The following ERBB3 variants were observed in gnomAD, a reference collection of about 807,000 sequenced individuals.
The protein encoded by ERBB3 is erb-b2 receptor tyrosine kinase 3, also known as receptor tyrosine-protein kinase erbB-3.
ERBB3 carries 96 observed loss-of-function variants against 156.7 expected under a neutral mutation model. That is an observed-to-expected ratio of 0.61 (90% confidence interval 0.52 to 0.73). The LOEUF (loss-of-function observed/expected upper bound fraction) is 0.73. Ranked by LOEUF, ERBB3 falls within the 30% of genes least tolerant of loss-of-function variation. The pLI is 0.00. For synonymous variants in ERBB3, 567 were observed against 632.0 expected (o/e 0.90, Z 1.54); for missense variants, 1,406 against 1,709.4 (o/e 0.82, Z 3.13).
chr12:56,093,130 T>C, intron 11 of ERBB3, 54 bp downstream of exon 11: 1 of 1,375,518 alleles, frequency 7.3e-7, no homozygotes, highest in Non-Finnish European at 1.0e-6. Flanking sequence ...GCCTGTGTCA[T>C]AGGCATTCTT....
chr12:56,090,844 T>C (rs1374550062), intron 9 of ERBB3, among the ~76,000 whole-genome samples: 1 of 152,140 alleles, frequency 6.6e-6, no homozygotes, highest in African/African-American at 2.4e-5. Context: ...AACCACAGCA[T>C]AGTTGTTTGA....
intron 9 of ERBB3, among the ~76,000 whole-genome samples, chr12:56,091,658 G>C (rs1868717063): frequency 6.6e-6 from 1 of 151,888 alleles, no homozygotes; most frequent in East Asian, 1.9e-4. Flanking sequence ...GAACACCACA[G>C]AGGCTGTGAG....
Position 56,085,069 on chromosome 12 carries a change from C to T in ERBB3, c.309C>T (p.Arg103=), listed in dbSNP as rs747026534. ...CTACTCTACCATTGCCCAACCTCCG[C>T]GTGGTGCGAGGGACCCAGGTCTACG... ...EFSTLPLPNL[R]VVRGTQVYDG... Residue 103 remains arginine (R), a synonymous_variant, in exon 3 of 28, where the codon CGC becomes CGT. Transcript: ENST00000267101. 8.1e-6 allele frequency: 13 copies of T among 1,614,138 alleles called. No homozygotes were observed. The highest frequency in any genetic ancestry group is 1.6e-4 in the Middle Eastern group (1 of 6,062).
chr12:56,093,986 G>A, intron 13 of ERBB3, 90 bp downstream of exon 13: 3 of 1,584,800 alleles, frequency 1.9e-6, no homozygotes, highest in East Asian at 2.2e-5. Flanking sequence ...TCTTTAGACA[G>A]CTTTCTGCAT....
rs897857580 is a variant in ERBB3, at chr12:56,102,788, G to GT, written c.*734dup. 1 of 99,588 alleles carries GT rather than the reference G, an allele frequency of 1.0e-5. No homozygotes were observed. The highest frequency in any genetic ancestry group is 3.8e-5 in the African/African-American group (1 of 26,324). The allele number at this position is 99,588 out of a possible 1,614,324, so 6.2% of individuals were successfully genotyped here. A position where few individuals can be genotyped will look rare whatever the true frequency, so the allele number is the denominator to read the frequency against. On this transcript the variant is annotated 3_prime_UTR_variant, in exon 28 of 28. Coordinates refer to ENST00000267101, the MANE Select transcript of ERBB3 (RefSeq NM_001982.4). Reference sequence around the variant, plus strand: ...GTTTGAGACCAGCTTAGCCAACATAGTAAGACCCCCATCTCTTTAAAAAAA... The same window carrying GT: ...GTTTGAGACCAGCTTAGCCAACATAGTTAAGACCCCCATCTCTTTAAAAAAA...
At position 56,100,176 on chromosome 12, in the gene ERBB3, C is replaced by T; in HGVS notation, c.3132C>T (p.Ser1044=). ...PVGTLNRPRG[S]QSLLSPSSGY... Reference sequence around the variant, plus strand: ...TTTTCCTTATTTTTTCATCCTAGAGCCAGAGCCTTTTAAGTCCATCATCTG... The same window carrying T: ...TTTTCCTTATTTTTTCATCCTAGAGTCAGAGCCTTTTAAGTCCATCATCTG... The change falls in exon 26 of 28, where the codon AGC becomes AGT. Residue 1044 remains serine, a splice_region_variant and synonymous_variant. Transcript: ENST00000267101. 6.2e-7 allele frequency: 1 copy of T among 1,613,684 alleles called. No individual in the cohort carries two copies. The highest frequency in any genetic ancestry group is 8.5e-7 in the Non-Finnish European group (1 of 1,179,554).
At chr12:56,088,187 A>G (rs2136795841) in intron 7 of ERBB3, 25 bp downstream of exon 7, 5 of 1,612,916 alleles carry the variant, frequency 3.1e-6, no homozygotes, top group African/African-American at 1.3e-5. Context: ...GGAAGGAACA[A>G]TGATCAACAA....
chr12:56,099,224 G>A (rs1440412765), intron 23 of ERBB3, among the ~76,000 whole-genome samples: 1 of 151,498 alleles, frequency 6.6e-6, no homozygotes, highest in Non-Finnish European at 1.5e-5. Context: ...CCAAAGTGCT[G>A]GGATTACAGG....
Position 56,085,026 on chromosome 12 carries a change from T to G in ERBB3, c.266T>G (p.Val89Gly). ...WIREVTGYVL[V>G]AMNEFSTLPL... ...CGAGAAGTGACAGGCTATGTCCTCG[T>G]GGCCATGAATGAATTCTCTACTCTA... Residue 89 changes from valine to glycine, a missense_variant, in exon 3 of 28, where the codon GTG becomes GGG. Around this residue, in one of 3 missense-constraint regions of ERBB3, gnomAD observed 979 missense variants for 1,219.6 expected, o/e 0.80. Transcript: ENST00000267101. 1 of 1,614,162 alleles carries G rather than the reference T, an allele frequency of 6.2e-7. No individual in the cohort carries two copies. Among genetic ancestry groups the G allele is most frequent in the Non-Finnish European group, 8.5e-7 (1 of 1,180,018 alleles).
intron 14 of ERBB3, 94 bp from the exon 15 acceptor site, chr12:56,094,308 A>T (rs567373027): frequency 5.3e-6 from 8 of 1,513,228 alleles, no homozygotes; most frequent in Non-Finnish European, 7.3e-6. Context: ...GGGCCTGCAG[A>T]TAGAAGATCC....
rs1043247654 is a variant in ERBB3 at position 56,103,286 on chromosome 12, A to C, written c.*1231A>C. On this transcript the variant is annotated 3_prime_UTR_variant, in exon 28 of 28. Transcript: ENST00000267101. ...GTGCCGTAAATGATCTTCACTCCTT[A>C]TCCGAGGGCAAATTCACAAGGATCC... 4.5e-6 allele frequency: 1 copy of C among 222,850 alleles called. No individual in the cohort carries two copies. The highest frequency in any genetic ancestry group is 9.0e-6 in the Non-Finnish European group (1 of 111,432). The allele number at this position is 222,850 out of a possible 1,614,324, so 13.8% of individuals were successfully genotyped here. A position where few individuals can be genotyped will look rare whatever the true frequency, so the allele number is the denominator to read the frequency against.
In ERBB3 at chr12:56,084,844, G is replaced by A. The variant is rs544290150; in HGVS notation, c.235-151G>A. On this transcript the variant is annotated intron_variant, in intron 2 of 27. Coordinates refer to ENST00000267101, the MANE Select transcript of ERBB3 (RefSeq NM_001982.4). ...GCCTGGGCAACAAGAGCGTAACTCC[G>A]TCTCAAATTTTAAAAAAAAGAAAAA... 1.5e-4 allele frequency: 190 copies of A among 1,305,796 alleles called. 1 individual carries two copies. Among genetic ancestry groups the A allele is most frequent in the Middle Eastern group, 7.2e-4 (3 of 4,170 alleles). The allele number at this position is 1,305,796 out of a possible 1,614,324, so 80.9% of individuals were successfully genotyped here.
chr12:56,098,232 GTC>G, intron 21 of ERBB3: 1 of 518,676 alleles, frequency 1.9e-6, no homozygotes, highest in Non-Finnish European at 3.3e-6. Context: ...GTGAAACCCC[GTC>G]TCTACTAAAT....
At chr12:56,090,749 C>T (rs969556369) in intron 9 of ERBB3, among the ~76,000 whole-genome samples, 3 of 152,080 alleles carry the variant, frequency 2.0e-5, no homozygotes, top group African/African-American at 2.4e-5. Flanking sequence ...TTCTGGACCA[C>T]GTGAGGGTAA....
At chr12:56,100,918 G>A (rs1192695938) in intron 26 of ERBB3, 143 bp from the exon 27 acceptor site, 6 of 677,296 alleles carry the variant, frequency 8.9e-6, no homozygotes, top group Non-Finnish European at 6.9e-6. Flanking sequence ...CAGCCTGGGC[G>A]ACAAGAACAA....
intron 3 of ERBB3, chr12:56,085,639 C>T: frequency 4.7e-6 from 1 of 212,324 alleles, no homozygotes; most frequent in Middle Eastern, 1.8e-3. Context: ...TGGTGCGCAC[C>T]TGTAATCCCA....
rs772629765 is a variant in ERBB3, at chr12:56,101,930, GCCC to G, written c.3908_3910del (p.Pro1303del). 6.2e-7 allele frequency: 1 copy of G among 1,613,100 alleles called. No homozygotes were observed. Among genetic ancestry groups the G allele is most frequent in the Non-Finnish European group, 8.5e-7 (1 of 1,179,706 alleles). On this transcript the variant is annotated inframe_deletion, in exon 28 of 28. Coordinates refer to ENST00000267101, the MANE Select transcript of ERBB3 (RefSeq NM_001982.4). ...AGCTTTTCAGGGGCCTGGACATCAG[GCCC>G]CCCATGTCCATTATGCCCGCCTAAA...
Position 56,088,005 on chromosome 12 carries a change from C to G in ERBB3, c.733-16C>G, listed in dbSNP as rs1868545030. ...ACACACGTAACATAAATCTGATGAG[C>G]CTCCTTTTTTCCCAGGCCTGCCGGC... On this transcript the variant is annotated splice_polypyrimidine_tract_variant and intron_variant, in intron 6 of 27. Coordinates refer to ENST00000267101, the MANE Select transcript of ERBB3 (RefSeq NM_001982.4). The G allele has an allele frequency of 1.2e-6, 2 of 1,614,002 alleles. No homozygotes were observed. Among genetic ancestry groups the G allele is most frequent in the Non-Finnish European group, 8.5e-7 (1 of 1,180,028 alleles).
intron 9 of ERBB3, among the ~76,000 whole-genome samples, chr12:56,092,389 CAAAAAAAAAA>C (rs60865127): frequency 1.4e-4 from 6 of 42,850 alleles, no homozygotes; most frequent in South Asian, 1.6e-3. Context: ...GACTCTGTCT[CAAAAAAAAAA>C]AAAAAAAAAA....
Sources: allele counts gnomAD v4.1 joint callset (sites outside exome capture counted in the v4.1 genomes callset), GRCh38; gene constraint gnomAD v4.1.1; regional missense constraint gnomAD v4.1.1; transcripts MANE v1.5; gene names NCBI Gene and HGNC (gene_info 2026-07-23, HGNC 2026-07-21).